The following ME1 variants were observed in gnomAD, a reference collection of about 807,000 sequenced individuals.
ME1 encodes the protein NADP-dependent malic enzyme.
Under a neutral mutation model 66.4 loss-of-function variants are expected in ME1, and 74 were observed. The observed-to-expected ratio is 1.11, with a 90% CI of 0.92 to 1.35. The LOEUF (loss-of-function observed/expected upper bound fraction) is 1.35, where lower values mean the gene tolerates loss of function less well. ME1 is among the 40% of genes most tolerant of loss of function. ME1 has a pLI of 0.00. For synonymous variants in ME1, 251 were observed against 235.6 expected (o/e 1.07, Z -0.60); for missense variants, 750 against 694.1 (o/e 1.08, Z -0.90).
chr6:83,324,564 A>T (rs1388560164), intron 5 of ME1, among the ~76,000 whole-genome samples: 1 of 151,858 alleles, frequency 6.6e-6, no homozygotes, highest in Non-Finnish European at 1.5e-5. Context: ...CACCTCTACA[A>T]ATAAACTAGT....
intron 8 of ME1, among the ~76,000 whole-genome samples, chr6:83,238,161 C>T (rs1173488509): frequency 6.6e-6 from 1 of 152,098 alleles, no homozygotes; most frequent in African/African-American, 2.4e-5. Context: ...TTGTTAGGTT[C>T]AAGCTACTCT....
intron 3 of ME1, among the ~76,000 whole-genome samples, chr6:83,380,737 C>G (rs778108877): frequency 6.6e-6 from 1 of 151,886 alleles, no homozygotes; most frequent in Non-Finnish European, 1.5e-5. Flanking sequence ...TTAAGATGAG[C>G]TACTTAGTAG....
At chr6:83,275,764 CTTTTTTTTTTTTTTTT>C (rs869196328) in intron 6 of ME1, among the ~76,000 whole-genome samples, 2 of 38,036 alleles carry the variant, frequency 5.3e-5, no homozygotes, top group African/African-American at 2.8e-4. Flanking sequence ...GGCGCCCGGC[CTTTTTTTTTTTTTTTT>C]TTTTTTTTTT....
chr6:83,287,175 T>C (rs1314892808), intron 6 of ME1, among the ~76,000 whole-genome samples: 1 of 152,234 alleles, frequency 6.6e-6, no homozygotes, highest in Non-Finnish European at 1.5e-5. Context: ...AAAATTATAC[T>C]TGAAGTTCTG....
chr6:83,299,928 G>A (rs971367452), intron 6 of ME1, among the ~76,000 whole-genome samples: 5 of 152,116 alleles, frequency 3.3e-5, no homozygotes, highest in Admixed American at 3.3e-4. Context: ...TGTTGAACCA[G>A]CCTTGCATCC....
At chr6:83,243,808 ATAT>A (rs1790560247) in intron 7 of ME1, among the ~76,000 whole-genome samples, 1 of 134,714 alleles carries the variant, frequency 7.4e-6, no homozygotes, top group Admixed American at 8.5e-5. Context: ...TATATATTAT[ATAT>A]TATATTTATA....
intron 12 of ME1, among the ~76,000 whole-genome samples, 155 bp downstream of exon 12, chr6:83,223,605 T>C (rs953488015): frequency 2.8e-4 from 42 of 152,222 alleles, no homozygotes; most frequent in African/African-American, 9.4e-4. Flanking sequence ...AGTATGAACA[T>C]GCTACCCACC....
intron 7 of ME1, among the ~76,000 whole-genome samples, chr6:83,242,602 T>C (rs1790530353): frequency 6.6e-6 from 1 of 151,962 alleles, no homozygotes; most frequent in East Asian, 1.9e-4. Context: ...TGCAAAGACA[T>C]GAAGGCAGGG....
At chr6:83,405,931 C>T (rs1305434491) in intron 2 of ME1, among the ~76,000 whole-genome samples, 7 of 152,024 alleles carry the variant, frequency 4.6e-5, no homozygotes, top group South Asian at 2.1e-4. Flanking sequence ...CCGTTTTAGC[C>T]GGGATGGTCT....
chr6:83,333,895 T>A (rs1420036520), intron 5 of ME1, among the ~76,000 whole-genome samples: 1 of 152,226 alleles, frequency 6.6e-6, no homozygotes, highest in African/African-American at 2.4e-5. Context: ...AACCAAATAA[T>A]ATGTAACTAT....
intron 13 of ME1, among the ~76,000 whole-genome samples, chr6:83,212,314 A>G (rs571538522): frequency 6.6e-6 from 1 of 152,338 alleles, no homozygotes; most frequent in Non-Finnish European, 1.5e-5. Context: ...CAACTAAGGA[A>G]AGTGTGACCA....
intron 4 of ME1, among the ~76,000 whole-genome samples, chr6:83,350,375 G>C (rs1300622015): frequency 6.6e-6 from 1 of 152,198 alleles, no homozygotes; most frequent in Non-Finnish European, 1.5e-5. Flanking sequence ...TGGTGTGATA[G>C]CTTACTGCCT....
At chr6:83,269,209 A>G (rs962046561) in intron 6 of ME1, among the ~76,000 whole-genome samples, 9 of 152,076 alleles carry the variant, frequency 5.9e-5, no homozygotes, top group Non-Finnish European at 1.2e-4. Flanking sequence ...TTATTGATTC[A>G]TTTATTTTCT....
chr6:83,280,270 C>T (rs1188036959), intron 6 of ME1, among the ~76,000 whole-genome samples: 1 of 152,066 alleles, frequency 6.6e-6, no homozygotes, highest in East Asian at 1.9e-4. Context: ...ATAATAACAA[C>T]AACAATATAT....
intron 5 of ME1, among the ~76,000 whole-genome samples, chr6:83,341,056 C>A (rs1768571655): frequency 1.3e-5 from 2 of 151,956 alleles, no homozygotes; most frequent in Admixed American, 1.3e-4. Context: ...GAAAGACTAA[C>A]CATGTGATCT....
chr6:83,352,682 C>T (rs1275144112), intron 3 of ME1, among the ~76,000 whole-genome samples: 1 of 152,154 alleles, frequency 6.6e-6, no homozygotes. Context: ...TTGCCGTTTG[C>T]AACTCTGTTA....
At chr6:83,331,803 C>A (rs984448568) in intron 5 of ME1, among the ~76,000 whole-genome samples, 1 of 151,900 alleles carries the variant, frequency 6.6e-6, no homozygotes, top group Non-Finnish European at 1.5e-5. Flanking sequence ...CTCTTTGTTA[C>A]AATAACCCTA....
Position 83,253,717 on chromosome 6 carries a change from A to T in ME1, c.726T>A (p.Ile242=), listed in dbSNP as rs1340319107. ...VSSKYGMNCL[I]QFEDFANVNA... is the part of the protein sequence containing the mutation. ...TCACATTGGCAAAATCTTCAAACTG[A>T]ATAAGGCAATTCATGCCATACCTAT... The change falls in exon 7 of 14, where the codon ATT becomes ATA. Residue 242 remains isoleucine (I), a synonymous_variant. Coordinates refer to ENST00000369705, the MANE Select transcript of ME1 (RefSeq NM_002395.6). The T allele has an allele frequency of 1.2e-6, 2 of 1,604,078 alleles. No individual in the cohort carries two copies. The highest frequency in any genetic ancestry group is 1.7e-6 in the Non-Finnish European group (2 of 1,171,698).
chr6:83,396,509 A>T (rs1460165670), intron 3 of ME1, among the ~76,000 whole-genome samples: 2 of 152,200 alleles, frequency 1.3e-5, no homozygotes, highest in Admixed American at 6.5e-5. Flanking sequence ...CATTTCATGG[A>T]TTGGAAGAAT....
Sources: allele counts gnomAD v4.1 joint callset (sites outside exome capture counted in the v4.1 genomes callset), GRCh38; gene constraint gnomAD v4.1.1; transcripts MANE v1.5; gene names NCBI Gene and HGNC (gene_info 2026-07-23, HGNC 2026-07-21).